The following KLHL8 variants were observed in gnomAD, a reference collection of about 807,000 sequenced individuals.
The protein encoded by KLHL8 is kelch-like protein 8.
In KLHL8, 38 loss-of-function variants were observed where a neutral mutation model predicts 63.5. That is an observed-to-expected ratio of 0.60 (90% CI 0.46 to 0.78). The LOEUF (loss-of-function observed/expected upper bound fraction) is 0.78, where lower values mean the gene tolerates loss of function less well. Among genes scored for constraint, KLHL8 ranks in the 30% least tolerant of loss-of-function variants. The pLI, the probability that KLHL8 is intolerant of heterozygous loss-of-function variation, is 0.00. For missense variants in KLHL8, 566 were observed against 752.4 expected, an observed-to-expected ratio of 0.75 and a Z score of 2.90; for synonymous variants, 224 against 254.3, an observed-to-expected ratio of 0.88 and a Z score of 1.13.
At chr4:87,235,500 T>C (rs965962529) in intron 1 of KLHL8, among the ~76,000 whole-genome samples, 1 of 152,142 alleles carries the variant, frequency 6.6e-6, no homozygotes, top group Non-Finnish European at 1.5e-5. Flanking sequence ...TTTCTCAGAA[T>C]CTTGTTAAGT....
intron 1 of KLHL8, among the ~76,000 whole-genome samples, chr4:87,214,071 T>A (rs570822610): frequency 6.6e-6 from 1 of 152,306 alleles, no homozygotes; most frequent in South Asian, 2.1e-4. Context: ...AATTATGTGA[T>A]CCTGAGTCCT....
Position 87,183,260 on chromosome 4 carries a change from T to C in KLHL8, c.895A>G (p.Arg299Gly), listed in dbSNP as rs1731123354. 1 of 1,613,916 alleles carries C rather than the reference T, an allele frequency of 6.2e-7. No individual in the cohort carries two copies. The highest frequency in any genetic ancestry group is 8.5e-7 in the Non-Finnish European group (1 of 1,179,872). ...ARNYHLHLSS[R>G]AVPDFEYSIR... ...GAGTATTCAAAGTCAGGTACTGCTC[T>C]GCTACTCAAGTGAAGGTGGTAATTT... The change falls in exon 4 of 10, where the codon AGA (arginine) becomes GGA (glycine). Residue 299 changes from arginine to glycine, a missense_variant. By Grantham distance (125) the Arg-to-Gly change is moderately radical (BLOSUM62 -2). Coordinates refer to ENST00000273963, the MANE Select transcript of KLHL8 (RefSeq NM_020803.5).
chr4:87,196,153 G>GTTT (rs11416450), intron 1 of KLHL8, among the ~76,000 whole-genome samples: 2 of 145,770 alleles, frequency 1.4e-5, no homozygotes, highest in African/African-American at 2.5e-5. Flanking sequence ...TTAACTGGGA[G>GTTT]TTTTTTTTTT....
rs918330737 is a variant in KLHL8 at position 87,218,110 on chromosome 4, T to A, written c.-152+2308A>T. On this transcript the variant is annotated intron_variant, in intron 1 of 9. Coordinates refer to ENST00000273963, the MANE Select transcript of KLHL8 (RefSeq NM_020803.5). The stretch of plus-strand genomic sequence containing the variant: ...TATACGTACCACTCTGATGAGAGAT[T>A]TTGGCTCTGTAGGGGTAGGCGATAC... Among the ~76,000 whole-genome samples the A allele has an allele frequency of 2.0e-5, 3 of 152,190 alleles. No homozygotes were observed. In the South Asian group the frequency reaches 6.2e-4, roughly 31 times the overall value.
chr4:87,195,421 T>C lies in KLHL8; in HGVS notation c.119A>G (p.Asp40Gly), dbSNP rs1388695810. ...TTCATTTGCTTCAAAAATAAAGGAA[T>C]CTTCTCCATCACCATCACTAATTGA... ...RSSISDGDGEDSFIFEANEAW... is the reference protein window; with the variant it reads ...RSSISDGDGEGSFIFEANEAW... Residue 40 changes from aspartate (D) to glycine (G), a missense_variant, in exon 2 of 10, where the codon GAT becomes GGT. Asp to Gly is a moderately conservative substitution (Grantham distance 94). Coordinates refer to ENST00000273963, the MANE Select transcript of KLHL8 (RefSeq NM_020803.5). 6.2e-7 allele frequency: 1 copy of C among 1,613,862 alleles called. No homozygotes were observed. The highest frequency in any genetic ancestry group is 8.5e-7 in the Non-Finnish European group (1 of 1,179,860).
In KLHL8 at chr4:87,160,677, G is replaced by C. The variant is rs1730123542; in HGVS notation, c.*2842C>G. 6.6e-6 allele frequency: 1 copy of C among 152,186 alleles called. No homozygotes were observed. Among genetic ancestry groups the C allele is most frequent in the Admixed American group, 6.5e-5 (1 of 15,282 alleles). 9.4% of individuals were successfully genotyped at this position (152,186 alleles called of 1,614,324 possible). Reference sequence around the variant, plus strand: ...CAATGTCAAGTAACTTGTTTTTAAAGTGGCAACGCAATATAGTAAAGCAAT... The same window carrying C: ...CAATGTCAAGTAACTTGTTTTTAAACTGGCAACGCAATATAGTAAAGCAAT... On this transcript the variant is annotated 3_prime_UTR_variant, in exon 10 of 10. Transcript: ENST00000273963.
At chr4:87,234,007 T>C (rs1476310119) in intron 1 of KLHL8, among the ~76,000 whole-genome samples, 2 of 152,254 alleles carry the variant, frequency 1.3e-5, no homozygotes, top group African/African-American at 2.4e-5. Context: ...GTTCACTTAT[T>C]GGATGAAGAA....
chr4:87,167,329 C>T (rs1471462150), intron 8 of KLHL8: 1 of 444,806 alleles, frequency 2.2e-6, no homozygotes. Context: ...TCCACCTCTG[C>T]CTGGTTTGGA....
chr4:87,207,654 C>T lies in KLHL8; in HGVS notation c.-151-11964G>A, dbSNP rs186403701. ...CTGCCACCCAGAAGACTGTGGATGGCCCCTCTGGGAAACTGTGGCGTGACA... is the reference window on the plus strand; with the variant it reads ...CTGCCACCCAGAAGACTGTGGATGGTCCCTCTGGGAAACTGTGGCGTGACA... On this transcript the variant is annotated intron_variant, in intron 1 of 9. Coordinates refer to ENST00000273963, the MANE Select transcript of KLHL8 (RefSeq NM_020803.5). 26 of 1,173,916 alleles carry T rather than the reference C, an allele frequency of 2.2e-5. No individual in the cohort carries two copies. In the Middle Eastern group the frequency reaches 7.3e-4, roughly 33 times the overall value. 72.7% of individuals were successfully genotyped at this position (1,173,916 alleles called of 1,614,324 possible).
chr4:87,183,763 TCAAAA>T (rs143059487), intron 3 of KLHL8, among the ~76,000 whole-genome samples: 2 of 152,318 alleles, frequency 1.3e-5, no homozygotes, highest in Non-Finnish European at 2.9e-5. Flanking sequence ...AAAGGCACAA[TCAAAA>T]CAAAAGTGCT....
At chr4:87,226,289 G>A (rs773634030) in intron 1 of KLHL8, among the ~76,000 whole-genome samples, 182 of 152,060 alleles carry the variant, frequency 1.2e-3, no homozygotes, top group Non-Finnish European at 1.7e-3. Context: ...TAGGCCAGGC[G>A]CGATGGCTCA....
At chr4:87,178,445 TC>T in intron 5 of KLHL8, 31 bp downstream of exon 5, 1 of 1,570,488 alleles carries the variant, frequency 6.4e-7, no homozygotes, top group Non-Finnish European at 8.6e-7. Flanking sequence ...AGCATTGTGA[TC>T]ATATGATATT....
chr4:87,214,666 G>A (rs1322874421), intron 1 of KLHL8, among the ~76,000 whole-genome samples: 1 of 151,708 alleles, frequency 6.6e-6, no homozygotes, highest in Non-Finnish European at 1.5e-5. Context: ...CTTATCACTA[G>A]GCCAAAGACA....
chr4:87,167,120 C>A, intron 8 of KLHL8: 1 of 453,336 alleles, frequency 2.2e-6, no homozygotes, highest in Non-Finnish European at 4.2e-6. Flanking sequence ...CAATGGAATT[C>A]GGGAAACGTT....
intron 1 of KLHL8, chr4:87,206,985 T>G (rs557021146): frequency 7.9e-5 from 23 of 291,520 alleles, no homozygotes; most frequent in African/African-American, 4.7e-4. Flanking sequence ...ATGGGTTGGG[T>G]TTTTTCCCCC....
intron 4 of KLHL8, among the ~76,000 whole-genome samples, chr4:87,180,898 T>C (rs1731025005): frequency 6.6e-6 from 1 of 151,436 alleles, no homozygotes; most frequent in South Asian, 2.1e-4. Flanking sequence ...AAAAAATATA[T>C]CTGGGTATGT....
chr4:87,188,804 T>C lies in KLHL8; in HGVS notation c.217-3005A>G, dbSNP rs185281972. On this transcript the variant is annotated intron_variant, in intron 2 of 9. Transcript: ENST00000273963. ...AAGTCTAAAGACCTGATGTTTAAAATTGGATGAAAAACACACAAGCTACAT... is the reference window on the plus strand; with the variant it reads ...AAGTCTAAAGACCTGATGTTTAAAACTGGATGAAAAACACACAAGCTACAT... Among the ~76,000 whole-genome samples the C allele has an allele frequency of 1.4e-4, 21 of 152,330 alleles. 1 individual carries two copies. Among genetic ancestry groups the C allele is most frequent in the East Asian group, 1.2e-3 (6 of 5,190 alleles).
chr4:87,232,194 A>G (rs950535048), intron 1 of KLHL8, among the ~76,000 whole-genome samples: 2 of 152,044 alleles, frequency 1.3e-5, no homozygotes, highest in African/African-American at 4.8e-5. Context: ...TCTGAATGTG[A>G]TATTTATTTT....
chr4:87,165,605 C>T (rs1255879226), intron 8 of KLHL8, among the ~76,000 whole-genome samples: 1 of 151,528 alleles, frequency 6.6e-6, no homozygotes, highest in African/African-American at 2.4e-5. Flanking sequence ...CTATGTTGCT[C>T]AGTCTGGTTT....
Sources: gnomAD v4.1 joint callset for allele counts (sites outside exome capture counted in the v4.1 genomes callset) on GRCh38, gnomAD v4.1.1 for gene constraint, MANE v1.5 for transcripts, NCBI Gene and HGNC (gene_info 2026-07-23, HGNC 2026-07-21) for gene names.